The following MAML2 variants were observed in gnomAD, a reference collection of about 807,000 sequenced individuals.
The protein encoded by MAML2 is mastermind-like protein 2.
Under a neutral mutation model 96.1 loss-of-function variants are expected in MAML2, and 22 were observed. The observed-to-expected ratio is 0.23, with a 90% confidence interval of 0.16 to 0.33. MAML2 has a LOEUF of 0.33. MAML2 is among the 10% of genes least tolerant of loss of function. MAML2 has a pLI of 1.00. For synonymous variants in MAML2, 561 were observed against 521.3 expected (o/e 1.08, Z -1.04); for missense variants, 1,367 against 1,392.4 (o/e 0.98, Z 0.29).
At chr11:96,182,037 A>C (rs1422886416) in intron 1 of MAML2, among the ~76,000 whole-genome samples, 1 of 152,204 alleles carries the variant, frequency 6.6e-6, no homozygotes, top group Non-Finnish European at 1.5e-5. Flanking sequence ...ACTAATTTTC[A>C]AAAGACGTGG....
intron 3 of MAML2, among the ~76,000 whole-genome samples, chr11:95,988,408 G>C (rs1008976747): frequency 6.6e-6 from 1 of 151,354 alleles, no homozygotes; most frequent in Non-Finnish European, 1.5e-5. Context: ...ACAGGTGCCC[G>C]CCATCATGCC....
chr11:96,271,293 CCTGA>C (rs1160563991), intron 1 of MAML2, among the ~76,000 whole-genome samples: 2 of 152,116 alleles, frequency 1.3e-5, no homozygotes, highest in African/African-American at 4.8e-5. Flanking sequence ...TTTAGAGAAC[CCTGA>C]CTAACACAGA....
At chr11:96,259,527 T>G (rs758327414) in intron 1 of MAML2, among the ~76,000 whole-genome samples, 91 of 152,208 alleles carry the variant, frequency 6.0e-4, no homozygotes, top group Non-Finnish European at 1.0e-3. Flanking sequence ...GTCTAGAATT[T>G]CCATTTATGA....
At chr11:96,152,853 G>A (rs1860945604) in intron 1 of MAML2, among the ~76,000 whole-genome samples, 1 of 152,188 alleles carries the variant, frequency 6.6e-6, no homozygotes, top group Admixed American at 6.5e-5. Context: ...TCAATGACAA[G>A]CCCTCAAGAC....
intron 1 of MAML2, among the ~76,000 whole-genome samples, chr11:96,105,291 A>T (rs932744875): frequency 1.3e-5 from 2 of 152,190 alleles, no homozygotes; most frequent in Non-Finnish European, 2.9e-5. Flanking sequence ...TATTGTTTCC[A>T]CATCTCTCTC....
chr11:96,291,115 CTTTTTTTTTTTTT>C (rs58889757), intron 1 of MAML2, among the ~76,000 whole-genome samples: 1 of 69,026 alleles, frequency 1.4e-5, no homozygotes, highest in East Asian at 5.3e-4. Context: ...TTTCACAAGC[CTTTTTTTTTTTTT>C]TTTTTTTTTT....
intron 1 of MAML2, among the ~76,000 whole-genome samples, chr11:96,206,114 T>C (rs78139953): frequency 8.7e-4 from 133 of 152,216 alleles, no homozygotes; most frequent in Non-Finnish European, 1.0e-3. Context: ...GCAATAGAAG[T>C]TTTTATGTGT....
chr11:96,097,066 C>T (rs148432075), intron 1 of MAML2, among the ~76,000 whole-genome samples: 1 of 152,292 alleles, frequency 6.6e-6, no homozygotes, highest in African/African-American at 2.4e-5. Context: ...CTGGCACCAG[C>T]ACCATACAAT....
At chr11:96,189,348 T>C (rs1861620521) in intron 1 of MAML2, among the ~76,000 whole-genome samples, 1 of 152,252 alleles carries the variant, frequency 6.6e-6, no homozygotes, top group South Asian at 2.1e-4. Flanking sequence ...AATCTTTATG[T>C]ATTAATGTAG....
intron 1 of MAML2, among the ~76,000 whole-genome samples, chr11:96,254,386 C>T (rs2135968829): frequency 6.9e-6 from 1 of 145,728 alleles, no homozygotes; most frequent in East Asian, 2.0e-4. Context: ...AGGAATGTTG[C>T]AGCTCTTTTT....
chr11:96,312,331 A>C (rs1863555156), intron 1 of MAML2, among the ~76,000 whole-genome samples: 1 of 151,994 alleles, frequency 6.6e-6, no homozygotes, highest in African/African-American at 2.4e-5. Context: ...TCTCAGGCCA[A>C]GTCCTAAAGG....
intron 2 of MAML2, among the ~76,000 whole-genome samples, chr11:96,088,766 A>G (rs1859658152): frequency 6.6e-6 from 1 of 152,162 alleles, no homozygotes; most frequent in African/African-American, 2.4e-5. Context: ...TCTCTCAGGC[A>G]TCATTTACCT....
At chr11:96,184,392 A>T (rs1192954800) in intron 1 of MAML2, among the ~76,000 whole-genome samples, 2 of 151,946 alleles carry the variant, frequency 1.3e-5, no homozygotes, top group Admixed American at 6.6e-5. Flanking sequence ...GTGAGCCGAG[A>T]TCATGCCACT....
At chr11:96,041,843 T>C (rs1195628720) in intron 2 of MAML2, among the ~76,000 whole-genome samples, 1 of 152,130 alleles carries the variant, frequency 6.6e-6, no homozygotes, top group African/African-American at 2.4e-5. Flanking sequence ...AGAGTTTCAC[T>C]TTGTTGCCCA....
intron 1 of MAML2, among the ~76,000 whole-genome samples, chr11:96,122,796 G>A (rs1439542235): frequency 1.3e-5 from 2 of 152,210 alleles, no homozygotes; most frequent in African/African-American, 4.8e-5. Flanking sequence ...AAAGCCCCAT[G>A]TAAGTGAAAT....
At chr11:96,274,430 C>T (rs1258551177) in intron 1 of MAML2, among the ~76,000 whole-genome samples, 2 of 152,130 alleles carry the variant, frequency 1.3e-5, no homozygotes, top group Admixed American at 1.3e-4. Context: ...GACATCTTTA[C>T]ACGTCTCTTT....
intron 2 of MAML2, among the ~76,000 whole-genome samples, chr11:95,996,045 C>T (rs184216336): frequency 5.3e-5 from 8 of 151,488 alleles, no homozygotes; most frequent in East Asian, 3.9e-4. Flanking sequence ...CACATGTACC[C>T]GGGAACTTAA....
chr11:96,295,937 A>AACACACACACACAC (rs56231526), intron 1 of MAML2, among the ~76,000 whole-genome samples: 8 of 137,780 alleles, frequency 5.8e-5, no homozygotes, highest in African/African-American at 1.1e-4. Context: ...CAGAACAGTA[A>AACACACACACACAC]ACACACACAC....
chr11:96,221,361 T>G (rs1862134211), intron 1 of MAML2, among the ~76,000 whole-genome samples: 1 of 152,206 alleles, frequency 6.6e-6, no homozygotes, highest in Non-Finnish European at 1.5e-5. Context: ...GCGCTGGGCC[T>G]TTCCTGTAGT....
Sources: gnomAD v4.1 joint callset for allele counts (sites outside exome capture counted in the v4.1 genomes callset) on GRCh38, gnomAD v4.1.1 for gene constraint, MANE v1.5 for transcripts, NCBI Gene and HGNC (gene_info 2026-07-23, HGNC 2026-07-21) for gene names.